The following ACOT2 variants were observed in gnomAD, a reference collection of about 807,000 sequenced individuals.
ACOT2 encodes the protein acyl-coenzyme A thioesterase 2, mitochondrial.
Under a neutral mutation model 20.1 loss-of-function variants are expected in ACOT2, and 15 were observed. The observed-to-expected ratio is 0.75, with a 90% confidence interval of 0.50 to 1.15. The LOEUF is 1.15. Ranked by LOEUF, ACOT2 falls within the 50% of genes most tolerant of loss-of-function variation. ACOT2 has a pLI of 0.00. For synonymous variants in ACOT2, 252 were observed against 268.4 expected, an observed-to-expected ratio of 0.94 and a Z score of 0.60; for missense variants, 479 against 615.3, an observed-to-expected ratio of 0.78 and a Z score of 2.34.
At chr14:73,574,067 C>T (rs554694795) in intron 2 of ACOT2, among the ~76,000 whole-genome samples, 29 of 151,096 alleles carry the variant, frequency 1.9e-4, no homozygotes, top group African/African-American at 6.1e-4. Context: ...GATGGGGTTT[C>T]GCCATGTTGG....
upstream of ACOT2, chr14:73,569,077 A>T (rs540194798): frequency 3.8e-5 from 33 of 859,524 alleles, no homozygotes; most frequent in African/African-American, 8.3e-5. Flanking sequence ...CCTAGGAAGT[A>T]GCTTTCCAAC....
rs1374313421 is a variant in ACOT2 at position 73,569,549 on chromosome 14, G to A, written c.309G>A (p.Glu103=). The A allele has an allele frequency of 6.2e-7, 1 of 1,603,952 alleles. No homozygotes were observed. Among genetic ancestry groups the A allele is most frequent in the Admixed American group, 1.7e-5 (1 of 58,896 alleles). Residue 103 remains glutamate, a synonymous_variant, in exon 1 of 3, where the codon GAG becomes GAA. Transcript: ENST00000238651. ...CGCTGCGCGCGTCCCTGCGCGACGAGAAGGGCGCGCTTTTCCAGGCCCACG... is the reference window on the plus strand; with the variant it reads ...CGCTGCGCGCGTCCCTGCGCGACGAAAAGGGCGCGCTTTTCCAGGCCCACG... ...PVTLRASLRD[E]KGALFQAHAR...
chr14:73,573,284 G>T, intron 1 of ACOT2, 104 bp from the exon 2 acceptor site: 13 of 1,523,270 alleles, frequency 8.5e-6, no homozygotes, highest in Non-Finnish European at 1.2e-5. Flanking sequence ...ATACCTAGGA[G>T]TGGGATTGCT....
chr14:73,569,182 C>T, upstream of ACOT2: 1 of 1,582,078 alleles, frequency 6.3e-7, no homozygotes, highest in Non-Finnish European at 8.6e-7. Context: ...CTTCCCCGCT[C>T]ACGTTAGCAG....
At position 73,573,450 on chromosome 14, in the gene ACOT2, C is replaced by A. The variant is rs138474239; in HGVS notation, c.706C>A (p.Arg236=). The change falls in exon 2 of 3, where the codon CGG becomes AGG. Residue 236 remains arginine, a synonymous_variant. Transcript: ENST00000238651. ...FGTGGGLLEY[R]ASLLAGKGFA... is the part of the protein sequence containing the mutation. ...AACTGGAGGTGGCCTGCTGGAGTAT[C>A]GGGCTAGTCTGCTGGCTGGGAAGGG... The A allele has an allele frequency of 3.1e-6, 5 of 1,613,570 alleles. No homozygotes were observed. In the South Asian group the frequency reaches 5.5e-5, roughly 18 times the overall value.
chr14:73,574,628 T>G (rs1014767677), intron 2 of ACOT2, among the ~76,000 whole-genome samples: 1 of 151,792 alleles, frequency 6.6e-6, no homozygotes, highest in African/African-American at 2.4e-5. Context: ...GTGGCTCAGG[T>G]GGGAGACAGA....
chr14:73,573,874 C>T (rs193154742), intron 2 of ACOT2, among the ~76,000 whole-genome samples: 1 of 152,106 alleles, frequency 6.6e-6, no homozygotes, highest in Non-Finnish European at 1.5e-5. Flanking sequence ...TTACAGGCAC[C>T]TGCCACCATG....
At chr14:73,574,861 C>G in intron 2 of ACOT2, 47 bp from the exon 3 acceptor site, 1 of 1,613,242 alleles carries the variant, frequency 6.2e-7, no homozygotes, top group Non-Finnish European at 8.5e-7. Context: ...CCATATTCCA[C>G]TGTTTGTGGA....
At position 73,569,619 on chromosome 14, in the gene ACOT2, G is replaced by C; in HGVS notation, c.379G>C (p.Ala127Pro). The C allele has an allele frequency of 6.2e-7, 1 of 1,600,556 alleles. No individual in the cohort carries two copies. Among genetic ancestry groups the C allele is most frequent in the Non-Finnish European group, 8.5e-7 (1 of 1,175,510 alleles). ...DTLGELDLER[A>P]PALGGSFAGL... is the part of the protein sequence containing the mutation. Reference sequence around the variant, plus strand: ...TCTTGGCGAGCTGGACCTGGAGCGCGCGCCCGCGCTGGGCGGCAGCTTCGC... The same window carrying C: ...TCTTGGCGAGCTGGACCTGGAGCGCCCGCCCGCGCTGGGCGGCAGCTTCGC... Residue 127 changes from alanine (A) to proline (P), a missense_variant, in exon 1 of 3, where the codon GCG (alanine) becomes CCG (proline). Transcript: ENST00000238651.
rs781629119 is a variant in ACOT2, at chr14:73,573,462, C to T, written c.718C>T (p.Leu240=). Residue 240 remains leucine, a synonymous_variant, in exon 2 of 3, where the codon CTG becomes TTG. Coordinates refer to ENST00000238651, the MANE Select transcript of ACOT2 (RefSeq NM_006821.6). ...GGLLEYRASL[L]AGKGFAVMAL... Reference sequence around the variant, plus strand: ...CCTGCTGGAGTATCGGGCTAGTCTGCTGGCTGGGAAGGGTTTTGCTGTGAT... The same window carrying T: ...CCTGCTGGAGTATCGGGCTAGTCTGTTGGCTGGGAAGGGTTTTGCTGTGAT... The T allele has an allele frequency of 6.2e-7, 1 of 1,613,698 alleles. No homozygotes were observed. The highest frequency in any genetic ancestry group is 2.2e-5 in the East Asian group (1 of 44,880).
chr14:73,575,280 C>CA lies in ACOT2; in HGVS notation c.1220dup (p.His407GlnfsTer19). 1 of 844,454 alleles carries CA rather than the reference C, an allele frequency of 1.2e-6. No individual in the cohort carries two copies. Among genetic ancestry groups the CA allele is most frequent in the Admixed American group, 3.5e-5 (1 of 28,610 alleles). 52.3% of individuals were successfully genotyped at this position (844,454 alleles called of 1,614,324 possible). A position where few individuals can be genotyped will look rare whatever the true frequency, so the allele number is the denominator to read the frequency against. On this transcript the variant is annotated frameshift_variant, in exon 3 of 3. Transcript: ENST00000238651. LOFTEE classifies it low-confidence loss of function (END_TRUNC). ...TGAGGCCTGTAAACGCTTGCAGGCC[C>CA]ATGGGAGGAGAAAGCCCCAGATCAT...
upstream of ACOT2, chr14:73,567,775 C>T (rs541287685): frequency 6.6e-6 from 1 of 152,174 alleles, no homozygotes; most frequent in East Asian, 1.9e-4. Flanking sequence ...AGACCATGAA[C>T]CCACTGAGAG....
chr14:73,569,645 G>T lies in ACOT2; in HGVS notation c.405G>T (p.Ala135=). ...CGCCCGCGCTGGGCGGCAGCTTCGC[G>T]GGGCTTGAGCCCATGGGGCTGCTCT... ...ERAPALGGSF[A]GLEPMGLLWA... The change falls in exon 1 of 3, where the codon GCG becomes GCT. Residue 135 remains alanine, a synonymous_variant. Transcript: ENST00000238651. The T allele has an allele frequency of 6.2e-7, 1 of 1,603,924 alleles. No homozygotes were observed. The highest frequency in any genetic ancestry group is 8.5e-7 in the Non-Finnish European group (1 of 1,176,742).
At chr14:73,574,580 TTGA>T (rs1188598257) in intron 2 of ACOT2, among the ~76,000 whole-genome samples, 3 of 151,928 alleles carry the variant, frequency 2.0e-5, no homozygotes, top group Non-Finnish European at 4.4e-5. Context: ...GATGTACTTG[TTGA>T]TGATGACTCA....
At chr14:73,570,026 T>A in intron 1 of ACOT2, 143 bp downstream of exon 1, 1 of 1,319,010 alleles carries the variant, frequency 7.6e-7, no homozygotes, top group Non-Finnish European at 1.0e-6. Flanking sequence ...ATTCCTGGTC[T>A]CCAGCTATCT....
chr14:73,572,303 A>G lies in ACOT2; in HGVS notation c.644-1085A>G, dbSNP rs1416058430. ...CCAGCAGTCAAAGTGATTGAACTAC[A>G]GCTACAAGAATCAACATCTATCAAG... is the stretch of plus-strand genomic sequence containing the variant. On this transcript the variant is annotated intron_variant, in intron 1 of 2. Coordinates refer to ENST00000238651, the MANE Select transcript of ACOT2 (RefSeq NM_006821.6). Among the ~76,000 whole-genome samples the G allele has an allele frequency of 5.9e-5, 9 of 151,394 alleles. 1 individual carries two copies. The highest frequency in any genetic ancestry group is 1.3e-4 in the Non-Finnish European group (9 of 67,800).
intron 1 of ACOT2, among the ~76,000 whole-genome samples, chr14:73,570,705 G>A (rs1052909566): frequency 9.2e-5 from 14 of 152,098 alleles, no homozygotes; most frequent in African/African-American, 3.4e-4. Flanking sequence ...AGGAGTTCGA[G>A]ACCAGCCTGG....
chr14:73,569,917 T>C (rs1222349149), intron 1 of ACOT2, 34 bp downstream of exon 1: 1 of 1,584,754 alleles, frequency 6.3e-7, no homozygotes, highest in Non-Finnish European at 8.6e-7. Flanking sequence ...CCGTGTTCGT[T>C]CGCCTTTCAC....
chr14:73,568,486 G>A (rs577457678), upstream of ACOT2, among the ~76,000 whole-genome samples: 1 of 152,064 alleles, frequency 6.6e-6, no homozygotes, highest in African/African-American at 2.4e-5. Context: ...TTGAGCACCA[G>A]GAGTTGGAGG....
Sources: allele counts gnomAD v4.1 joint callset (sites outside exome capture counted in the v4.1 genomes callset), GRCh38; gene constraint gnomAD v4.1.1; transcripts MANE v1.5; gene names NCBI Gene and HGNC (gene_info 2026-07-23, HGNC 2026-07-21).